The following NUP214 variants were observed in gnomAD, a reference collection of about 807,000 sequenced individuals.
NUP214 encodes the protein nuclear pore complex protein Nup214.
In NUP214, 79 loss-of-function variants were observed where a neutral mutation model predicts 196.2. The observed-to-expected ratio is 0.40, with a 90% CI of 0.34 to 0.49. The LOEUF is 0.49. NUP214 is among the 20% of genes least tolerant of loss of function. NUP214 has a pLI of 0.58. For synonymous variants in NUP214, 1,020 were observed against 990.5 expected (o/e 1.03, Z -0.56); for missense variants, 2,468 against 2,539.0 (o/e 0.97, Z 0.60).
chr9:131,145,737 TCAAAA>T (rs1832069759), intron 12 of NUP214, among the ~76,000 whole-genome samples: 1 of 152,230 alleles, frequency 6.6e-6, no homozygotes. Context: ...GTGCTCACTC[TCAAAA>T]CGAGTTCTCA....
chr9:131,162,630 A>G (rs1340329378), intron 18 of NUP214, among the ~76,000 whole-genome samples: 2 of 152,032 alleles, frequency 1.3e-5, no homozygotes, highest in Admixed American at 6.5e-5. Context: ...TATAATTTAC[A>G]TTCAGAAAAA....
chr9:131,150,697 A>G lies in NUP214; in HGVS notation c.2209A>G (p.Met737Val). ...TTTCCAAGTGGGCACTTCTGAGGAG[A>G]TGAAGATGCTGCGAACAGAATCAGA... is the stretch of plus-strand genomic sequence containing the variant. ...ACFQVGTSEE[M>V]KMLRTESDDL... is the part of the protein sequence containing the mutation. The change falls in exon 16 of 36, where the codon ATG becomes GTG. Residue 737 changes from methionine (M) to valine (V), a missense_variant. Coordinates refer to ENST00000359428, the MANE Select transcript of NUP214 (RefSeq NM_005085.4). 4 of 1,614,182 alleles carry G rather than the reference A, an allele frequency of 2.5e-6. No homozygotes were observed. Among genetic ancestry groups the G allele is most frequent in the Non-Finnish European group, 3.4e-6 (4 of 1,180,032 alleles).
intron 26 of NUP214, chr9:131,190,446 G>A: frequency 1.4e-6 from 1 of 692,422 alleles, no homozygotes; most frequent in Admixed American, 2.1e-5. Flanking sequence ...CCTCTCTTTT[G>A]TTACGAGGTG....
Position 131,178,337 on chromosome 9 carries a change from T to C in NUP214, c.3346T>C (p.Leu1116=). 6.2e-7 allele frequency: 1 copy of C among 1,613,888 alleles called. No homozygotes were observed. Among genetic ancestry groups the C allele is most frequent in the East Asian group, 2.2e-5 (1 of 44,882 alleles). ...TGTAAACACTTTGACTGAATCAACG[T>C]TGAAGAATGTCCCTCAAGTGGTAAA... is the stretch of plus-strand genomic sequence containing the variant. The part of the protein sequence containing the change: ...PAVNTLTEST[L]KNVPQVVNVQ... Residue 1116 remains leucine, a synonymous_variant, in exon 24 of 36, where the codon TTG becomes CTG. Coordinates refer to ENST00000359428, the MANE Select transcript of NUP214 (RefSeq NM_005085.4).
chr9:131,191,157 C>T (rs1026959399), intron 26 of NUP214: 1 of 151,788 alleles, frequency 6.6e-6, no homozygotes, highest in Non-Finnish European at 1.5e-5. Context: ...TTCCTCTTTC[C>T]TTTCCCCCTT....
chr9:131,228,275 G>A lies in NUP214; in HGVS notation c.6018G>A (p.Ser2006=). 17 of 1,605,356 alleles carry A rather than the reference G, an allele frequency of 1.1e-5. No individual in the cohort carries two copies. Among genetic ancestry groups the A allele is most frequent in the East Asian group, 2.3e-5 (1 of 44,058 alleles). The change falls in exon 33 of 36, where the codon TCG becomes TCA. Residue 2006 remains serine (S), a synonymous_variant. Coordinates refer to ENST00000359428, the MANE Select transcript of NUP214 (RefSeq NM_005085.4). ...SAPAFTSPLG[S]TGGKVFGEGT... is the part of the protein sequence containing the mutation. ...CAGCCTTTACAAGCCCTCTGGGCTCGACGGGAGGCAAAGTGTTCGGAGAGG... is the reference window on the plus strand; with the variant it reads ...CAGCCTTTACAAGCCCTCTGGGCTCAACGGGAGGCAAAGTGTTCGGAGAGG...
At chr9:131,176,735 T>C (rs1037086661) in intron 23 of NUP214, among the ~76,000 whole-genome samples, 3 of 152,198 alleles carry the variant, frequency 2.0e-5, no homozygotes, top group Non-Finnish European at 4.4e-5. Context: ...TCCCAAACTT[T>C]CTACTACTTT....
chr9:131,179,574 C>T (rs1833209665), intron 24 of NUP214, among the ~76,000 whole-genome samples: 1 of 152,166 alleles, frequency 6.6e-6, no homozygotes, highest in African/African-American at 2.4e-5. Context: ...GCAAGAAGGG[C>T]AGCCATAGAC....
At chr9:131,144,129 A>G in intron 11 of NUP214, 151 bp from the exon 12 acceptor site, 1 of 657,160 alleles carries the variant, frequency 1.5e-6, no homozygotes, top group Non-Finnish European at 2.7e-6. Flanking sequence ...AAACTCCAAC[A>G]TGAACTGTGT....
intron 5 of NUP214, among the ~76,000 whole-genome samples, chr9:131,131,133 G>A (rs78367192): frequency 0.021 from 3,147 of 152,198 alleles, 103 homozygotes; most frequent in African/African-American, 0.073. Context: ...CATACGCTAT[G>A]CGCTGTTCCC....
At position 131,228,210 on chromosome 9, in the gene NUP214, T is replaced by A. The variant is rs1834776346; in HGVS notation, c.5953T>A (p.Ser1985Thr). 1 of 1,604,724 alleles carries A rather than the reference T, an allele frequency of 6.2e-7. No individual in the cohort carries two copies. Among genetic ancestry groups the A allele is most frequent in the Non-Finnish European group, 8.5e-7 (1 of 1,176,520 alleles). ...TGGCAGCCCTCCTACTTTTGGGGGATCCCCTGGGTTTGGAGGGGTGCCAGC... is the reference window on the plus strand; with the variant it reads ...TGGCAGCCCTCCTACTTTTGGGGGAACCCCTGGGTTTGGAGGGGTGCCAGC... Reference protein sequence around the residue: ...VFGSPPTFGGSPGFGGVPAFG... With the variant: ...VFGSPPTFGGTPGFGGVPAFG... The change falls in exon 33 of 36, where the codon TCC becomes ACC. Residue 1985 changes from serine to threonine, a missense_variant. Around this residue, in one of 5 missense-constraint regions of NUP214, gnomAD observed 262 missense variants for 296.5 expected, o/e 0.88. Coordinates refer to ENST00000359428, the MANE Select transcript of NUP214 (RefSeq NM_005085.4).
Position 131,151,836 on chromosome 9 carries a change from G to A in NUP214, c.2378G>A (p.Gly793Asp). 1 of 1,613,506 alleles carries A rather than the reference G, an allele frequency of 6.2e-7. No homozygotes were observed. Among genetic ancestry groups the A allele is most frequent in the Non-Finnish European group, 8.5e-7 (1 of 1,179,894 alleles). ...REQNERNRDS[G>D]YLHLLYKRPL... ...CAAAATGAAAGAAATCGTGACTCTGGTTATCTGCATTTGCTTTATAAAAGA... is the reference window on the plus strand; with the variant it reads ...CAAAATGAAAGAAATCGTGACTCTGATTATCTGCATTTGCTTTATAAAAGA... Residue 793 changes from glycine (G) to aspartate (D), a missense_variant, in exon 17 of 36, where the codon GGT becomes GAT. Physicochemically the swap from Gly to Asp is moderately conservative, Grantham distance 94. Around this residue, in one of 5 missense-constraint regions of NUP214, gnomAD observed 1,801 missense variants for 1,779.4 expected, o/e 1.01. Coordinates refer to ENST00000359428, the MANE Select transcript of NUP214 (RefSeq NM_005085.4).
chr9:131,140,991 A>G (rs1466628394), intron 11 of NUP214, among the ~76,000 whole-genome samples: 1 of 152,228 alleles, frequency 6.6e-6, no homozygotes. Flanking sequence ...CTAAGACCCT[A>G]TATTATGTGA....
chr9:131,163,195 A>G (rs776224726), intron 19 of NUP214, 22 bp downstream of exon 19: 1 of 1,590,888 alleles, frequency 6.3e-7, no homozygotes, highest in Non-Finnish European at 8.5e-7. Flanking sequence ...ACTTGCACTC[A>G]ATAAATATGG....
rs147457287 is a variant in NUP214 at position 131,141,132 on chromosome 9, C to T, written c.1294+422C>T. On this transcript the variant is annotated intron_variant, in intron 11 of 35. Transcript: ENST00000359428. Reference sequence around the variant, plus strand: ...TGACAGGGAAGGAGTGAGTGGAATACATCACCAAAAAAAAAAAAACCACTA... The same window carrying T: ...TGACAGGGAAGGAGTGAGTGGAATATATCACCAAAAAAAAAAAAACCACTA... Among the ~76,000 whole-genome samples the T allele has an allele frequency of 7.3e-3, 1,005 of 136,806 alleles. 6 individuals carry two copies. Among genetic ancestry groups the T allele is most frequent in the Middle Eastern group, 0.015 (4 of 272 alleles). 89.8% of individuals were successfully genotyped at this position (136,806 alleles called of 152,430 possible).
chr9:131,230,576 G>T (rs553997765), intron 33 of NUP214, 54 bp from the exon 34 acceptor site: 4 of 1,606,336 alleles, frequency 2.5e-6, no homozygotes, highest in Admixed American at 1.7e-5. Context: ...GCTTGCAGAT[G>T]GGCAAGTGGT....
intron 33 of NUP214, 28 bp downstream of exon 33, chr9:131,228,359 A>T (rs930334203): frequency 1.9e-6 from 3 of 1,553,498 alleles, no homozygotes; most frequent in African/African-American, 2.8e-5. Flanking sequence ...GGCCCTTGGG[A>T]ACCCACACGC....
At chr9:131,184,242 G>T (rs1833385170) in intron 24 of NUP214, among the ~76,000 whole-genome samples, 1 of 151,070 alleles carries the variant, frequency 6.6e-6, no homozygotes, top group Non-Finnish European at 1.5e-5. Flanking sequence ...TGTTGGCCCG[G>T]CTGATTTCAA....
intron 21 of NUP214, among the ~76,000 whole-genome samples, chr9:131,168,928 G>T (rs908641016): frequency 2.0e-5 from 3 of 151,818 alleles, no homozygotes; most frequent in African/African-American, 7.3e-5. Flanking sequence ...AAGCACTACT[G>T]CCACACTGCC....
Sources: allele counts gnomAD v4.1 joint callset (sites outside exome capture counted in the v4.1 genomes callset), GRCh38; gene constraint gnomAD v4.1.1; regional missense constraint gnomAD v4.1.1; transcripts MANE v1.5; gene names NCBI Gene and HGNC (gene_info 2026-07-23, HGNC 2026-07-21).